Variants in EVA1C observed in about 807,000 individuals in gnomAD.
The protein encoded by EVA1C is protein eva-1 homolog C.
A neutral mutation model predicts 45.4 loss-of-function variants in EVA1C; 25 were observed. The ratio of observed to expected loss-of-function variants is 0.55; its 90% CI spans 0.40 to 0.77. EVA1C has a LOEUF of 0.77. Ranked by LOEUF, EVA1C falls within the 30% of genes least tolerant of loss-of-function variation. The pLI, the probability that EVA1C is intolerant of heterozygous loss-of-function variation, is 0.00. For synonymous variants in EVA1C, 190 were observed against 221.2 expected, an observed-to-expected ratio of 0.86 and a Z score of 1.25; for missense variants, 479 against 554.8, an observed-to-expected ratio of 0.86 and a Z score of 1.37.
chr21:32,505,162 G>A (rs1346485657), intron 7 of EVA1C, among the ~76,000 whole-genome samples: 1 of 152,136 alleles, frequency 6.6e-6, no homozygotes, highest in African/African-American at 2.4e-5. Flanking sequence ...TGGGGACACA[G>A]CCAAACCATA....
intron 6 of EVA1C, among the ~76,000 whole-genome samples, chr21:32,502,036 CTTTCT>C (rs1406904038): frequency 5.1e-5 from 4 of 78,290 alleles, no homozygotes; most frequent in African/African-American, 1.9e-4. Context: ...TTCTTTCTTT[CTTTCT>C]TTCTTTCTTT....
At chr21:32,498,861 G>A (rs1413334764) in intron 5 of EVA1C, among the ~76,000 whole-genome samples, 3 of 152,100 alleles carry the variant, frequency 2.0e-5, no homozygotes, top group African/African-American at 7.2e-5. Context: ...GGAGCAGGAC[G>A]GTGATCAATC....
rs543137492 is a variant in EVA1C, at chr21:32,467,608, G to C, written c.482-88G>C. 1.1e-3 allele frequency: 1,509 copies of C among 1,349,482 alleles called. 2 individuals are homozygous for C. Among genetic ancestry groups the C allele is most frequent in the Non-Finnish European group, 1.4e-3 (1,422 of 1,002,224 alleles). The allele number at this position is 1,349,482 out of a possible 1,614,324, so 83.6% of individuals were successfully genotyped here. On this transcript the variant is annotated intron_variant, in intron 3 of 7. Transcript: ENST00000300255. ...TGCCCCCTTCTCAGGGTGCAGCCCC[G>C]GGGAAATGAGCAATGGGACTTGGAC...
At chr21:32,429,545 G>T (rs560471526) in intron 1 of EVA1C, among the ~76,000 whole-genome samples, 14 of 150,864 alleles carry the variant, frequency 9.3e-5, no homozygotes, top group African/African-American at 2.4e-4. Flanking sequence ...GTAGAGACAG[G>T]GTTTCACCAT....
chr21:32,450,776 A>G (rs1298583704), intron 1 of EVA1C, among the ~76,000 whole-genome samples: 2 of 152,128 alleles, frequency 1.3e-5, no homozygotes. Context: ...GCCCAGGGCC[A>G]CTGAGGGGTC....
At chr21:32,441,254 A>G (rs1423492185) in intron 1 of EVA1C, among the ~76,000 whole-genome samples, 1 of 152,156 alleles carries the variant, frequency 6.6e-6, no homozygotes, top group East Asian at 1.9e-4. Flanking sequence ...GTAGCAAGAT[A>G]AAGCAGAGTT....
At chr21:32,441,934 C>G (rs953238349) in intron 1 of EVA1C, among the ~76,000 whole-genome samples, 2 of 152,224 alleles carry the variant, frequency 1.3e-5, no homozygotes, top group Middle Eastern at 6.8e-3. Context: ...CCTCTGTTGT[C>G]CACTTGTGAC....
intron 1 of EVA1C, among the ~76,000 whole-genome samples, chr21:32,432,802 C>G (rs1028948288): frequency 1.3e-5 from 2 of 152,140 alleles, no homozygotes; most frequent in African/African-American, 2.4e-5. Flanking sequence ...GTCACTGCAG[C>G]CTTGACCTCC....
chr21:32,474,946 C>A lies in EVA1C; in HGVS notation c.634+7098C>A, dbSNP rs79367566. Among the ~76,000 whole-genome samples, 535 of 152,350 alleles carry A rather than the reference C, an allele frequency of 3.5e-3. 9 individuals carry two copies. The highest frequency in any genetic ancestry group is 0.012 in the African/African-American group (517 of 41,570). On this transcript the variant is annotated intron_variant, in intron 4 of 7. Transcript: ENST00000300255. The surrounding 1 kb of genome is among the most constrained non-coding windows in gnomAD (Gnocchi z 4.4). The stretch of plus-strand genomic sequence containing the variant: ...GCTGCCAGTGCATGTGTGATCTCTG[C>A]TCTGTGCTCCCATTTACTACTGCAG...
intron 1 of EVA1C, among the ~76,000 whole-genome samples, chr21:32,434,923 G>A (rs1038904388): frequency 1.3e-5 from 2 of 152,296 alleles, no homozygotes; most frequent in African/African-American, 4.8e-5. Context: ...GCAGCATTCT[G>A]AGCCCTTCCC....
chr21:32,474,977 C>T lies in EVA1C; in HGVS notation c.634+7129C>T, dbSNP rs371717735. ...GCTCCCATTTACTACTGCAGCTCAG[C>T]CTCGCTGCTTTCAAGGGGAAAAGGG... is the stretch of plus-strand genomic sequence containing the variant. On this transcript the variant is annotated intron_variant, in intron 4 of 7. Transcript: ENST00000300255. The surrounding 1 kb of genome is among the most constrained non-coding windows in gnomAD (Gnocchi z 4.4). Among the ~76,000 whole-genome samples, 3 of 152,206 alleles carry T rather than the reference C, an allele frequency of 2.0e-5. No individual in the cohort carries two copies. In the South Asian group the frequency reaches 6.2e-4, roughly 32 times the overall value.
rs1196752257 is a variant in EVA1C, at chr21:32,503,780, T to C, written c.860-146T>C. The C allele has an allele frequency of 1.0e-5, 6 of 594,228 alleles. No homozygotes were observed. In the Admixed American group the frequency reaches 1.6e-4, roughly 16 times the overall value. 36.8% of individuals were successfully genotyped at this position (594,228 alleles called of 1,614,324 possible). A position where few individuals can be genotyped will look rare whatever the true frequency, so the allele number is the denominator to read the frequency against. On this transcript the variant is annotated intron_variant, in intron 6 of 7. Transcript: ENST00000300255. Reference sequence around the variant, plus strand: ...AAGTGCTCTTCCTGGGTTAATCTTCTGTAATTTAGCCAGAGGCCCATTTGT... The same window carrying C: ...AAGTGCTCTTCCTGGGTTAATCTTCCGTAATTTAGCCAGAGGCCCATTTGT...
In EVA1C at chr21:32,495,136, C is replaced by T. The variant is rs200775525; in HGVS notation, c.744C>T (p.Gly248=). ...NHHFGSPCLP[G]VKKYLTVTYA... ...ATTTTGGAAGCCCCTGTTTGCCAGGCGTGAAAAAATACCTCACTGTGACCT... is the reference window on the plus strand; with the variant it reads ...ATTTTGGAAGCCCCTGTTTGCCAGGTGTGAAAAAATACCTCACTGTGACCT... The change falls in exon 5 of 8, where the codon GGC becomes GGT. Residue 248 remains glycine, a synonymous_variant. Transcript: ENST00000300255. 34 of 1,614,048 alleles carry T rather than the reference C, an allele frequency of 2.1e-5. No individual in the cohort carries two copies. The highest frequency in any genetic ancestry group is 1.3e-4 in the East Asian group (6 of 44,880).
At chr21:32,481,533 A>G (rs1257187310) in intron 4 of EVA1C, among the ~76,000 whole-genome samples, 5 of 151,914 alleles carry the variant, frequency 3.3e-5, no homozygotes, top group Non-Finnish European at 5.9e-5. Flanking sequence ...CTAGAAGAAA[A>G]GTTAAAGGAT....
chr21:32,421,337 C>CAATA (rs1555848926), intron 1 of EVA1C, among the ~76,000 whole-genome samples: 69 of 151,960 alleles, frequency 4.5e-4, no homozygotes, highest in African/African-American at 1.6e-3. Context: ...ATAAAGACCT[C>CAATA]TATATAAAGC....
At chr21:32,481,198 A>T (rs2036772747) in intron 4 of EVA1C, among the ~76,000 whole-genome samples, 1 of 152,142 alleles carries the variant, frequency 6.6e-6, no homozygotes, top group Non-Finnish European at 1.5e-5. Context: ...TATGTTTGGA[A>T]ACGTTAGACT....
At chr21:32,462,242 C>A (rs7283721) in intron 3 of EVA1C, among the ~76,000 whole-genome samples, 34,825 of 122,142 alleles carry the variant, frequency 0.29, 4,050 homozygotes, top group Admixed American at 0.32. Context: ...AAAAAAAAAA[C>A]AATTAGCAGG....
intron 1 of EVA1C, among the ~76,000 whole-genome samples, chr21:32,414,570 A>C (rs1324360712): frequency 3.3e-5 from 5 of 152,228 alleles, no homozygotes; most frequent in Non-Finnish European, 7.3e-5. Flanking sequence ...CAGTTGCAAT[A>C]CTTGTAACAG....
intron 4 of EVA1C, among the ~76,000 whole-genome samples, chr21:32,472,653 AG>A (rs776742611): frequency 3.3e-5 from 5 of 151,672 alleles, no homozygotes; most frequent in African/African-American, 4.8e-5. Flanking sequence ...AAAAAAAAAA[AG>A]GAAAAGTAAT....
Sources: allele counts gnomAD v4.1 joint callset (sites outside exome capture counted in the v4.1 genomes callset), GRCh38; gene constraint gnomAD v4.1.1; non-coding constraint Gnocchi (gnomAD v3.1); transcripts MANE v1.5; gene names NCBI Gene and HGNC (gene_info 2026-07-23, HGNC 2026-07-21).